The following HGSNAT variants were observed in gnomAD, a reference collection of about 807,000 sequenced individuals.
HGSNAT encodes transmembrane protein 76.
HGSNAT carries 59 observed loss-of-function variants against 85.2 expected under a neutral mutation model. That is an observed-to-expected ratio of 0.69 (90% CI 0.56 to 0.86). The LOEUF is 0.86. HGSNAT is among the 40% of genes least tolerant of loss of function. The pLI, the probability that HGSNAT is intolerant of heterozygous loss-of-function variation, is 0.00. For synonymous variants in HGSNAT, 321 were observed against 304.5 expected, an observed-to-expected ratio of 1.05 and a Z score of -0.56; for missense variants, 756 against 777.1, an observed-to-expected ratio of 0.97 and a Z score of 0.32.
chr8:43,155,401 G>C (rs1384966763), intron 2 of HGSNAT, among the ~76,000 whole-genome samples: 1 of 151,972 alleles, frequency 6.6e-6, no homozygotes, highest in South Asian at 2.1e-4. Context: ...ATACATAATA[G>C]TTGTATATGT....
chr8:43,196,668 C>T, intron 14 of HGSNAT: 1 of 639,448 alleles, frequency 1.6e-6, no homozygotes, highest in South Asian at 1.7e-5. Flanking sequence ...GGAGCCTCTT[C>T]CTGCGGGGAC....
intron 4 of HGSNAT, among the ~76,000 whole-genome samples, chr8:43,160,625 A>G (rs913308167): frequency 2.0e-5 from 3 of 152,246 alleles, no homozygotes; most frequent in Non-Finnish European, 4.4e-5. Flanking sequence ...GTAAAATCAC[A>G]GTGTAATTAT....
chr8:43,148,408 TTAGGTG>T (rs1294019040), intron 2 of HGSNAT, among the ~76,000 whole-genome samples: 1 of 151,838 alleles, frequency 6.6e-6, no homozygotes, highest in Admixed American at 6.6e-5. Context: ...CGTCAAGGTG[TTAGGTG>T]TAGGGCAAGT....
At chr8:43,167,988 G>T (rs570196691) in intron 5 of HGSNAT, 28 of 242,194 alleles carry the variant, frequency 1.2e-4, no homozygotes, top group South Asian at 1.0e-3. Context: ...GCACCATCTC[G>T]GCTCACTCCA....
At position 43,147,068 on chromosome 8, in the gene HGSNAT, G is replaced by A. The variant is rs1490617702; in HGVS notation, c.234+5G>A. The A allele has an allele frequency of 6.5e-7, 1 of 1,540,880 alleles. No homozygotes were observed. The highest frequency in any genetic ancestry group is 1.2e-5 in the South Asian group (1 of 85,812). On this transcript the variant is annotated splice_donor_5th_base_variant and intron_variant, in intron 2 of 17. Transcript: ENST00000379644. Reference sequence around the variant, plus strand: ...AAATCTGAATGCTGTTATCACGTATGTATCAGTTCACACTCAGTTCTGTTT... The same window carrying A: ...AAATCTGAATGCTGTTATCACGTATATATCAGTTCACACTCAGTTCTGTTT...
chr8:43,191,287 A>G lies in HGSNAT; in HGVS notation c.1129-187A>G, dbSNP rs141452955. 4.3e-3 allele frequency among the ~76,000 whole-genome samples: 662 copies of G among 152,276 alleles called. 8 individuals are homozygous for G. The highest frequency in any genetic ancestry group is 0.015 in the African/African-American group (633 of 41,552). ...AGAATTGTCTGCTGATTTCTTTTGA[A>G]TGGGTGTTTTGCTGTGAGATTTCAT... On this transcript the variant is annotated intron_variant, in intron 11 of 17. Coordinates refer to ENST00000379644, the MANE Select transcript of HGSNAT (RefSeq NM_152419.3).
At position 43,146,412 on chromosome 8, in the gene HGSNAT, C is replaced by T. The variant is rs142111431; in HGVS notation, c.119-536C>T. On this transcript the variant is annotated intron_variant, in intron 1 of 17. Transcript: ENST00000379644. ...AAGCTGCCTGGCTACAATCGCAGCT[C>T]AGTAACGTGGTAGGGGAGAAAGCTT... Among the ~76,000 whole-genome samples the T allele has an allele frequency of 2.0e-5, 3 of 152,280 alleles. No individual in the cohort carries two copies. In the East Asian group the frequency reaches 5.8e-4, roughly 29 times the overall value.
At chr8:43,140,769 G>C (rs1254668803) in intron 1 of HGSNAT, among the ~76,000 whole-genome samples, 155 bp downstream of exon 1, 1 of 151,964 alleles carries the variant, frequency 6.6e-6, no homozygotes, top group Non-Finnish European at 1.5e-5. Flanking sequence ...GCGGTCCCGC[G>C]CCCCAGACCG....
At chr8:43,192,549 G>A in intron 13 of HGSNAT, 119 bp downstream of exon 13, 1 of 1,122,812 alleles carries the variant, frequency 8.9e-7, no homozygotes. Context: ...GAGAACTGAT[G>A]ATTATTTGAA....
chr8:43,148,026 T>G (rs566613582), intron 2 of HGSNAT, among the ~76,000 whole-genome samples: 14 of 152,288 alleles, frequency 9.2e-5, no homozygotes, highest in South Asian at 4.1e-4. Flanking sequence ...GGGGATCACC[T>G]GAGGTCAGGA....
rs74349319 is a variant in HGSNAT at position 43,153,548 on chromosome 8, A to G, written c.235-5027A>G. 3.2e-4 allele frequency among the ~76,000 whole-genome samples: 49 copies of G among 152,172 alleles called. No individual in the cohort carries two copies. In the East Asian group the frequency reaches 7.0e-3, roughly 22 times the overall value. On this transcript the variant is annotated intron_variant, in intron 2 of 17. Coordinates refer to ENST00000379644, the MANE Select transcript of HGSNAT (RefSeq NM_152419.3). ...GGTAGTTAACATTTCCATCACCAAA[A>G]CACTTGTCATTTCTTTGTGGTGCGA...
rs750583721 is a variant in HGSNAT, at chr8:43,192,380, G to A, written c.1327G>A (p.Asp443Asn). 2.5e-6 allele frequency: 4 copies of A among 1,613,038 alleles called. No homozygotes were observed. The highest frequency in any genetic ancestry group is 2.5e-6 in the Non-Finnish European group (3 of 1,179,610). The change falls in exon 13 of 18, where the codon GAC (aspartate) becomes AAC (asparagine). Residue 443 changes from aspartate (D) to asparagine (N), a missense_variant. By Grantham distance (23) the Asp-to-Asn change is conservative. Transcript: ENST00000379644. Reference protein sequence around the residue: ...NCTGGAAGYIDRLLLGDDHLY... With the variant: ...NCTGGAAGYINRLLLGDDHLY... Reference sequence around the variant, plus strand: ...CACTGGAGGAGCTGCAGGCTACATCGACCGCCTGCTGCTGGGAGACGATCA... The same window carrying A: ...CACTGGAGGAGCTGCAGGCTACATCAACCGCCTGCTGCTGGGAGACGATCA...
At chr8:43,199,121 G>A (rs573375104) in intron 17 of HGSNAT, among the ~76,000 whole-genome samples, 12 of 152,066 alleles carry the variant, frequency 7.9e-5, no homozygotes, top group South Asian at 4.2e-4. Flanking sequence ...GGCTGGTCTC[G>A]AACTCCTGGC....
intron 17 of HGSNAT, among the ~76,000 whole-genome samples, chr8:43,198,586 C>T (rs1422681553): frequency 6.6e-6 from 1 of 152,094 alleles, no homozygotes; most frequent in Non-Finnish European, 1.5e-5. Flanking sequence ...CGTGCCCAGC[C>T]TCTGGTTCTT....
chr8:43,197,319 A>G (rs1333836272), intron 15 of HGSNAT: 2 of 534,098 alleles, frequency 3.7e-6, no homozygotes, highest in Non-Finnish European at 6.7e-6. Context: ...GAGACTGGGC[A>G]AATCAGACCA....
intron 10 of HGSNAT, 86 bp downstream of exon 10, chr8:43,178,320 A>G: frequency 1.0e-6 from 1 of 958,410 alleles, no homozygotes; most frequent in Non-Finnish European, 1.5e-6. Flanking sequence ...CAATTCCTCC[A>G]TCTCAGGTGC....
At chr8:43,177,318 G>A (rs1353712849) in intron 9 of HGSNAT, among the ~76,000 whole-genome samples, 2 of 151,988 alleles carry the variant, frequency 1.3e-5, no homozygotes, top group South Asian at 4.2e-4. Flanking sequence ...TTGGGAGGCC[G>A]AGGCGGGCGG....
intron 1 of HGSNAT, among the ~76,000 whole-genome samples, chr8:43,145,846 C>T (rs576644478): frequency 1.3e-5 from 2 of 152,252 alleles, no homozygotes; most frequent in Admixed American, 6.5e-5. Context: ...AGGAAGCTTT[C>T]CCATTACAAA....
At position 43,140,524 on chromosome 8, in the gene HGSNAT, G is replaced by A; in HGVS notation, c.28G>A (p.Ala10Thr). 2 of 1,100,890 alleles carry A rather than the reference G, an allele frequency of 1.8e-6. No homozygotes were observed. Among genetic ancestry groups the A allele is most frequent in the Non-Finnish European group, 2.2e-6 (2 of 906,532 alleles). 68.2% of individuals were successfully genotyped at this position (1,100,890 alleles called of 1,614,324 possible). ...GAGCGGGGCGGGCAGGGCGCTGGCC[G>A]CGCTGCTGCTGGCCGCGTCCGTGCT... MSGAGRALAALLLAASVLSA... is the reference protein window; with the variant it reads MSGAGRALATLLLAASVLSA... Residue 10 changes from alanine to threonine, a missense_variant, in exon 1 of 18, where the codon GCG becomes ACG. By Grantham distance (58) the Ala-to-Thr change is moderately conservative. Coordinates refer to ENST00000379644, the MANE Select transcript of HGSNAT (RefSeq NM_152419.3).
Sources: gnomAD v4.1 joint callset for allele counts (sites outside exome capture counted in the v4.1 genomes callset) on GRCh38, gnomAD v4.1.1 for gene constraint, MANE v1.5 for transcripts, NCBI Gene and HGNC (gene_info 2026-07-23, HGNC 2026-07-21) for gene names.